SLC8A1: variants seen among roughly 807,000 people sequenced by gnomAD.
SLC8A1 encodes solute carrier family 8 member A1, also known as sodium/calcium exchanger 1.
SLC8A1 carries 18 observed loss-of-function variants against 68.3 expected under a neutral mutation model. The observed-to-expected ratio is 0.26, with a 90% CI of 0.18 to 0.39. The LOEUF (loss-of-function observed/expected upper bound fraction) is 0.39. SLC8A1 is among the 10% of genes least tolerant of loss of function. The pLI, the probability that SLC8A1 is intolerant of heterozygous loss-of-function variation, is 1.00. For missense variants in SLC8A1, 985 were observed against 1,156.7 expected (o/e 0.85, Z 2.15); for synonymous variants, 475 against 415.5 (o/e 1.14, Z -1.74).
intron 1 of SLC8A1, among the ~76,000 whole-genome samples, chr2:40,481,126 AGTGT>A (rs201352387): frequency 6.6e-6 from 1 of 152,110 alleles, no homozygotes; most frequent in Non-Finnish European, 1.5e-5. Flanking sequence ...TATGTGTAAG[AGTGT>A]GTGTGTGTAT....
intron 2 of SLC8A1, among the ~76,000 whole-genome samples, chr2:40,259,068 A>C (rs1047696310): frequency 1.3e-5 from 2 of 152,128 alleles, no homozygotes; most frequent in African/African-American, 4.8e-5. Context: ...TGAGGGTGTG[A>C]GGTGTTACTA....
intron 2 of SLC8A1, among the ~76,000 whole-genome samples, chr2:40,325,850 A>G (rs1178633791): frequency 1.3e-5 from 2 of 149,734 alleles, no homozygotes; most frequent in African/African-American, 2.5e-5. Flanking sequence ...GCTACTTGGG[A>G]CTGATATTCG....
intron 2 of SLC8A1, among the ~76,000 whole-genome samples, chr2:40,266,939 T>A (rs1423361512): frequency 6.6e-6 from 1 of 152,152 alleles, no homozygotes; most frequent in African/African-American, 2.4e-5. Context: ...TCAATACAGG[T>A]TATTTGTTAG....
intron 2 of SLC8A1, among the ~76,000 whole-genome samples, chr2:40,425,848 C>A (rs1417208649): frequency 6.6e-6 from 1 of 151,906 alleles, no homozygotes; most frequent in Admixed American, 6.6e-5. Context: ...CAGCACAACT[C>A]CATTTGACCC....
intron 4 of SLC8A1, 53 bp from the exon 7 acceptor site, chr2:40,170,402 A>G (rs1180216653): frequency 1.7e-5 from 26 of 1,489,694 alleles, no homozygotes; most frequent in East Asian, 2.3e-5. Context: ...TTGATTTGCT[A>G]TCAGAGCTTT....
chr2:40,245,830 G>A (rs139247563), intron 2 of SLC8A1, among the ~76,000 whole-genome samples: 2,611 of 152,210 alleles, frequency 0.017, 38 homozygotes, highest in Middle Eastern at 0.031. Flanking sequence ...TCGTAGAATG[G>A]TAAGAGGTTT....
chr2:40,178,292 G>T, intron 2 of SLC8A1, 95 bp downstream of exon 3: 1 of 901,738 alleles, frequency 1.1e-6, no homozygotes, highest in South Asian at 1.3e-5. Flanking sequence ...GGAGGGATGT[G>T]TGCATTGTAA....
At chr2:40,175,218 A>G in intron 3 of SLC8A1, 43 bp downstream of exon 4, 5 of 1,593,478 alleles carry the variant, frequency 3.1e-6, no homozygotes, top group Non-Finnish European at 4.3e-6. Flanking sequence ...ATGGAAAATA[A>G]TCTAGAAAAA....
At chr2:40,358,373 T>C (rs565455986) in intron 2 of SLC8A1, among the ~76,000 whole-genome samples, 4 of 152,226 alleles carry the variant, frequency 2.6e-5, no homozygotes, top group South Asian at 2.1e-4. Context: ...GACATTTTCA[T>C]AGACATCTTG....
intron 2 of SLC8A1, among the ~76,000 whole-genome samples, chr2:40,272,988 G>T (rs2066238401): frequency 6.6e-6 from 1 of 152,160 alleles, no homozygotes; most frequent in Non-Finnish European, 1.5e-5. Flanking sequence ...TGTCACCCAG[G>T]CTGGAGTGCA....
intron 1 of SLC8A1, among the ~76,000 whole-genome samples, chr2:40,469,186 T>C (rs1703867454): frequency 6.6e-6 from 1 of 152,148 alleles, no homozygotes; most frequent in African/African-American, 2.4e-5. Context: ...TTTTTAAACA[T>C]ACATGATGAT....
intron 5 of SLC8A1, among the ~76,000 whole-genome samples, chr2:40,162,030 T>C (rs1040766673): frequency 6.6e-6 from 1 of 152,194 alleles, no homozygotes; most frequent in African/African-American, 2.4e-5. Flanking sequence ...AGAAGAGTCA[T>C]TGGAACAGAC....
intron 1 of SLC8A1, among the ~76,000 whole-genome samples, chr2:40,489,662 G>C (rs1169015242): frequency 3.9e-5 from 6 of 152,032 alleles, no homozygotes; most frequent in African/African-American, 1.4e-4. Flanking sequence ...ATAGCAGAAA[G>C]CTTGAAGACA....
At chr2:40,192,269 T>G (rs1379734103) in intron 2 of SLC8A1, among the ~76,000 whole-genome samples, 1 of 152,078 alleles carries the variant, frequency 6.6e-6, no homozygotes, top group African/African-American at 2.4e-5. Flanking sequence ...GGGGCATTAA[T>G]ATGAATATTA....
intron 2 of SLC8A1, among the ~76,000 whole-genome samples, chr2:40,215,784 C>T (rs964457398): frequency 6.6e-6 from 1 of 151,786 alleles, no homozygotes; most frequent in Non-Finnish European, 1.5e-5. Flanking sequence ...AGCCACTGTG[C>T]TTGGCCTATG....
At chr2:40,429,413 C>G (rs565888916) in exon 2 of SLC8A1, 1 of 1,613,884 alleles carries the variant, frequency 6.2e-7, no homozygotes, top group African/African-American at 1.3e-5. Context: ...CCGTCCATTT[C>G]AATTTCAGTC....
intron 2 of SLC8A1, among the ~76,000 whole-genome samples, chr2:40,200,873 ATATT>A (rs1243406777): frequency 6.6e-6 from 1 of 151,916 alleles, no homozygotes. Context: ...ACCCACTTAA[ATATT>A]TATATATGAT....
intron 2 of SLC8A1, among the ~76,000 whole-genome samples, chr2:40,323,101 T>C (rs2075398365): frequency 6.6e-6 from 1 of 152,134 alleles, no homozygotes; most frequent in Non-Finnish European, 1.5e-5. Context: ...TTTACAGAAA[T>C]ATTCTTATTT....
intron 1 of SLC8A1, among the ~76,000 whole-genome samples, chr2:40,475,403 G>C (rs1266999204): frequency 1.3e-5 from 2 of 152,026 alleles, no homozygotes; most frequent in Admixed American, 6.6e-5. Context: ...AAAGTGCTGG[G>C]ATTACAGGCA....
Sources: allele counts gnomAD v4.1 joint callset (sites outside exome capture counted in the v4.1 genomes callset), GRCh38; gene constraint gnomAD v4.1.1; transcripts MANE v1.5; gene names NCBI Gene and HGNC (gene_info 2026-07-23, HGNC 2026-07-21).